Variants in NTRK3 observed in about 807,000 individuals in gnomAD.
The protein encoded by NTRK3 is NT-3 growth factor receptor.
In NTRK3, 24 loss-of-function variants were observed where a neutral mutation model predicts 91.7. That is an observed-to-expected ratio of 0.26 (90% CI 0.19 to 0.37). The LOEUF (loss-of-function observed/expected upper bound fraction) is 0.37, where lower values mean the gene tolerates loss of function less well. NTRK3 is among the 10% of genes least tolerant of loss of function. The pLI is 1.00. For missense variants in NTRK3, 880 were observed against 1,068.9 expected, an observed-to-expected ratio of 0.82 and a Z score of 2.46; for synonymous variants, 483 against 404.0, an observed-to-expected ratio of 1.20 and a Z score of -2.34.
intron 13 of NTRK3, among the ~76,000 whole-genome samples, chr15:88,083,778 A>C (rs1013379296): frequency 2.0e-5 from 3 of 152,204 alleles, no homozygotes; most frequent in African/African-American, 7.2e-5. Flanking sequence ...AAAGCAATTA[A>C]AAGGGCTTTA....
chr15:87,986,055 C>G (rs779557992), intron 14 of NTRK3, among the ~76,000 whole-genome samples: 9 of 152,312 alleles, frequency 5.9e-5, no homozygotes, highest in African/African-American at 2.2e-4. Flanking sequence ...TGGAGCAATA[C>G]TAGTCATATG....
At chr15:88,181,206 G>A (rs2046425187) in intron 5 of NTRK3, among the ~76,000 whole-genome samples, 1 of 152,090 alleles carries the variant, frequency 6.6e-6, no homozygotes, top group African/African-American at 2.4e-5. Flanking sequence ...GAGAAAACAG[G>A]GCCCAAAGTC....
At chr15:87,999,559 C>CA (rs1250109754) in intron 14 of NTRK3, among the ~76,000 whole-genome samples, 1 of 152,168 alleles carries the variant, frequency 6.6e-6, no homozygotes, top group Non-Finnish European at 1.5e-5. Flanking sequence ...TTCCTTCATG[C>CA]AAATTTTATT....
At chr15:87,905,434 G>A (rs549559508) in intron 17 of NTRK3, among the ~76,000 whole-genome samples, 30 of 152,144 alleles carry the variant, frequency 2.0e-4, no homozygotes, top group African/African-American at 4.6e-4. Context: ...CATATTATGC[G>A]TAAAACAACA....
chr15:87,905,649 T>C (rs1200685954), intron 17 of NTRK3, among the ~76,000 whole-genome samples: 10 of 152,172 alleles, frequency 6.6e-5, no homozygotes. Flanking sequence ...TTTAGGATTA[T>C]CTTCAAACTC....
chr15:88,084,183 G>T (rs1261954796), intron 13 of NTRK3, among the ~76,000 whole-genome samples: 2 of 151,570 alleles, frequency 1.3e-5, no homozygotes, highest in Non-Finnish European at 2.9e-5. Context: ...AGCGCTCAGG[G>T]GTTCAAACTG....
At chr15:88,142,564 G>T (rs985257384) in intron 6 of NTRK3, among the ~76,000 whole-genome samples, 3 of 152,192 alleles carry the variant, frequency 2.0e-5, no homozygotes, top group African/African-American at 7.2e-5. Flanking sequence ...ACAGTCCTGG[G>T]GCCAGGCAGT....
chr15:88,196,835 C>T (rs1163918279), intron 3 of NTRK3, among the ~76,000 whole-genome samples: 3 of 152,130 alleles, frequency 2.0e-5, no homozygotes, highest in Admixed American at 2.0e-4. Flanking sequence ...TACAGCTCTA[C>T]CCTTGATGCC....
rs528490651 is a variant in NTRK3 at position 88,144,755 on chromosome 15, C to T, written c.464+2580G>A. Reference sequence around the variant, plus strand: ...GATTGTTCCAAGGATAAGACAGAACCTCACACACATTAGATGCTCAAGATG... The same window carrying T: ...GATTGTTCCAAGGATAAGACAGAACTTCACACACATTAGATGCTCAAGATG... On this transcript the variant is annotated intron_variant, in intron 6 of 18. Coordinates refer to ENST00000394480, the Ensembl canonical transcript of NTRK3. 2.6e-5 allele frequency among the ~76,000 whole-genome samples: 4 copies of T among 152,284 alleles called. No homozygotes were observed. In the East Asian group the frequency reaches 7.7e-4, roughly 29 times the overall value.
chr15:88,010,742 A>C (rs941889496), intron 14 of NTRK3, among the ~76,000 whole-genome samples: 5 of 145,618 alleles, frequency 3.4e-5, no homozygotes, highest in Middle Eastern at 3.3e-3. Flanking sequence ...GAATTTACAC[A>C]CACACCCACA....
chr15:88,060,844 C>T (rs561507223), intron 13 of NTRK3, among the ~76,000 whole-genome samples: 2 of 152,250 alleles, frequency 1.3e-5, no homozygotes, highest in African/African-American at 2.4e-5. Flanking sequence ...AAAATATTTA[C>T]TTTTAGCCAT....
intron 15 of NTRK3, among the ~76,000 whole-genome samples, chr15:87,938,577 C>T (rs1033405213): frequency 4.6e-5 from 7 of 152,312 alleles, no homozygotes; most frequent in Admixed American, 1.3e-4. Context: ...GAAACAGAAA[C>T]ACATTTTCTG....
chr15:87,963,955 T>G (rs2141221827), intron 14 of NTRK3, among the ~76,000 whole-genome samples: 1 of 152,318 alleles, frequency 6.6e-6, no homozygotes, highest in South Asian at 2.1e-4. Flanking sequence ...GAGCAAACTG[T>G]TGTGAAGAAA....
At chr15:87,972,949 G>A (rs192116988) in intron 14 of NTRK3, among the ~76,000 whole-genome samples, 13 of 152,284 alleles carry the variant, frequency 8.5e-5, no homozygotes, top group Non-Finnish European at 1.3e-4. Context: ...CTCCTCAGAA[G>A]TGCTCCTGTC....
chr15:88,246,774 G>A (rs757336142), intron 3 of NTRK3, among the ~76,000 whole-genome samples: 11 of 152,200 alleles, frequency 7.2e-5, no homozygotes, highest in Non-Finnish European at 1.5e-4. Context: ...GGGTCCTGGA[G>A]TCTCACATCC....
At chr15:88,147,179 C>T (rs1464746851) in intron 6 of NTRK3, among the ~76,000 whole-genome samples, 156 bp downstream of exon 6, 1 of 152,160 alleles carries the variant, frequency 6.6e-6, no homozygotes, top group African/African-American at 2.4e-5. Flanking sequence ...GTTAATTGCT[C>T]TCACTGAACA....
chr15:87,896,790 C>A (rs544927374), intron 17 of NTRK3, among the ~76,000 whole-genome samples: 1 of 152,298 alleles, frequency 6.6e-6, no homozygotes, highest in African/African-American at 2.4e-5. Flanking sequence ...GAGGTTATGA[C>A]TTTTCTACAG....
At chr15:88,216,182 G>T (rs1284969343) in intron 3 of NTRK3, among the ~76,000 whole-genome samples, 2 of 152,174 alleles carry the variant, frequency 1.3e-5, no homozygotes, top group Non-Finnish European at 2.9e-5. Flanking sequence ...GAGTTGTTAT[G>T]TTGTAGCTCA....
intron 13 of NTRK3, among the ~76,000 whole-genome samples, chr15:88,101,379 A>G (rs368708421): frequency 1.8e-4 from 28 of 152,250 alleles, no homozygotes; most frequent in East Asian, 1.4e-3. Context: ...AGGTGCTGGA[A>G]AGGATGTGGA....
Sources: gnomAD v4.1 joint callset for allele counts (sites outside exome capture counted in the v4.1 genomes callset) on GRCh38, gnomAD v4.1.1 for gene constraint, MANE v1.5 for transcripts, NCBI Gene and HGNC (gene_info 2026-07-23, HGNC 2026-07-21) for gene names.